COG6: variants seen among roughly 807,000 people sequenced by gnomAD.
COG6 encodes the protein component of oligomeric golgi complex 6.
COG6 carries 74 observed loss-of-function variants against 88.8 expected under a neutral mutation model. The observed-to-expected ratio is 0.83, with a 90% CI of 0.69 to 1.01. The LOEUF is 1.01. Among genes scored for constraint, COG6 ranks in the 50% least tolerant of loss-of-function variants. The pLI is 0.00. For synonymous variants in COG6, 286 were observed against 278.7 expected (o/e 1.03, Z -0.26); for missense variants, 800 against 797.9 (o/e 1.00, Z -0.03).
intron 7 of COG6, among the ~76,000 whole-genome samples, chr13:39,680,887 A>G (rs148787876): frequency 6.6e-6 from 1 of 152,266 alleles, no homozygotes; most frequent in East Asian, 1.9e-4. Flanking sequence ...CACTTGGGTA[A>G]TCTGAGAAAA....
chr13:39,658,927 G>A (rs753952931), intron 1 of COG6, among the ~76,000 whole-genome samples: 9 of 152,196 alleles, frequency 5.9e-5, no homozygotes, highest in Non-Finnish European at 1.2e-4. Flanking sequence ...GTATACACAA[G>A]TAAGTATGCA....
At chr13:39,788,366 A>T (rs1299503795) in exon 19 of COG6, 1 of 1,551,704 alleles carries the variant, frequency 6.4e-7, no homozygotes, top group Non-Finnish European at 8.7e-7. Flanking sequence ...ATCATCTTGT[A>T]ACCAGTGCAG....
At chr13:39,674,116 G>C (rs143543442) in intron 4 of COG6, among the ~76,000 whole-genome samples, 1 of 151,210 alleles carries the variant, frequency 6.6e-6, no homozygotes, top group Non-Finnish European at 1.5e-5. Context: ...CAACGTGCAG[G>C]TTTGTTACAT....
intron 18 of COG6, among the ~76,000 whole-genome samples, chr13:39,748,324 A>T (rs1880447401): frequency 6.6e-6 from 1 of 152,172 alleles, no homozygotes; most frequent in Admixed American, 6.5e-5. Flanking sequence ...AGATCAAAAA[A>T]TATCTCCAGG....
At chr13:39,656,173 C>A (rs1240487961) in intron 1 of COG6, 1 of 568,730 alleles carries the variant, frequency 1.8e-6, no homozygotes, top group Admixed American at 2.2e-5. Flanking sequence ...GAGAAGTGTC[C>A]TCCAAACACC....
intron 5 of COG6, 114 bp from the exon 6 acceptor site, chr13:39,679,424 G>A: frequency 1.4e-6 from 1 of 723,104 alleles, no homozygotes; most frequent in Non-Finnish European, 2.6e-6. Flanking sequence ...AGTATAGGAA[G>A]GCTTCCCTAA....
chr13:39,662,715 T>C (rs867187684), intron 3 of COG6, among the ~76,000 whole-genome samples: 1 of 152,190 alleles, frequency 6.6e-6, no homozygotes, highest in African/African-American at 2.4e-5. Flanking sequence ...TTGTTTACAT[T>C]TGTTTTTGAT....
intron 4 of COG6, among the ~76,000 whole-genome samples, chr13:39,676,187 C>G (rs904139539): frequency 6.6e-6 from 1 of 152,044 alleles, no homozygotes; most frequent in African/African-American, 2.4e-5. Flanking sequence ...CTTCTCCCCA[C>G]TATCTTCCCC....
downstream of COG6, among the ~76,000 whole-genome samples, chr13:39,756,884 G>A (rs755411555): frequency 2.6e-5 from 4 of 152,066 alleles, no homozygotes; most frequent in Non-Finnish European, 5.9e-5. Context: ...GCTCAACGGA[G>A]TACTTGGAGC....
At chr13:39,779,853 C>A (rs190532904) in intron 18 of COG6, among the ~76,000 whole-genome samples, 1 of 152,160 alleles carries the variant, frequency 6.6e-6, no homozygotes, top group Non-Finnish European at 1.5e-5. Flanking sequence ...ACAAACGTTA[C>A]AAGAATGCTC....
At chr13:39,733,308 G>A (rs550073945) in intron 18 of COG6, among the ~76,000 whole-genome samples, 70 of 150,456 alleles carry the variant, frequency 4.7e-4, no homozygotes, top group African/African-American at 1.6e-3. Flanking sequence ...CTTCTGCCTC[G>A]GCCTCCTGAG....
chr13:39,771,310 A>G (rs1175489477), intron 18 of COG6, among the ~76,000 whole-genome samples: 1 of 152,206 alleles, frequency 6.6e-6, no homozygotes, highest in Non-Finnish European at 1.5e-5. Flanking sequence ...TCATCCTGTA[A>G]GATTTCCAAG....
chr13:39,702,881 C>T (rs1331384151), intron 13 of COG6, among the ~76,000 whole-genome samples: 1 of 151,996 alleles, frequency 6.6e-6, no homozygotes, highest in Non-Finnish European at 1.5e-5. Context: ...TTCTTATATA[C>T]CAGCTCATGA....
intron 18 of COG6, among the ~76,000 whole-genome samples, chr13:39,776,877 A>G (rs536217673): frequency 6.6e-6 from 1 of 152,220 alleles, no homozygotes; most frequent in Admixed American, 6.5e-5. Flanking sequence ...TTAATTGCTT[A>G]TTTTTAGTGT....
intron 6 of COG6, 30 bp from the exon 7 acceptor site, chr13:39,679,945 T>C: frequency 8.2e-7 from 1 of 1,213,588 alleles, no homozygotes; most frequent in Non-Finnish European, 1.2e-6. Flanking sequence ...TTGACTAAAG[T>C]TTAAATTATA....
chr13:39,693,666 A>C (rs1390693096), intron 11 of COG6, among the ~76,000 whole-genome samples: 1 of 151,968 alleles, frequency 6.6e-6, no homozygotes, highest in Non-Finnish European at 1.5e-5. Context: ...AATTTCATAA[A>C]CATATTAATG....
At chr13:39,695,268 C>T (rs936178111) in intron 12 of COG6, among the ~76,000 whole-genome samples, 3 of 151,736 alleles carry the variant, frequency 2.0e-5, no homozygotes, top group Non-Finnish European at 2.9e-5. Context: ...CTCTACATAA[C>T]AGCAACTTTA....
At chr13:39,657,530 G>T (rs1283862967) in intron 1 of COG6, among the ~76,000 whole-genome samples, 5 of 149,174 alleles carry the variant, frequency 3.4e-5, no homozygotes, top group African/African-American at 4.9e-5. Context: ...CACTTCATGG[G>T]TTTTTTTTTT....
rs978261390 is a variant in COG6, at chr13:39,719,842, A to G, written c.1584+15A>G. The G allele has an allele frequency of 6.3e-7, 1 of 1,592,608 alleles. No individual in the cohort carries two copies. The highest frequency in any genetic ancestry group is 8.6e-7 in the Non-Finnish European group (1 of 1,162,272). ...TACAGTTTCAGGTAAATTTTTCTAT[A>G]AAATGACTATTGACTATGATTGAAT... On this transcript the variant is annotated intron_variant, in intron 15 of 18. Transcript: ENST00000455146.
Sources: allele counts gnomAD v4.1 joint callset (sites outside exome capture counted in the v4.1 genomes callset), GRCh38; gene constraint gnomAD v4.1.1; transcripts MANE v1.5; gene names NCBI Gene and HGNC (gene_info 2026-07-23, HGNC 2026-07-21).